Variants in SNTG1 observed in about 807,000 individuals in gnomAD.
SNTG1 encodes gamma-1-syntrophin.
SNTG1 carries 39 observed loss-of-function variants against 74.7 expected under a neutral mutation model. The ratio of observed to expected loss-of-function variants is 0.52; its 90% CI spans 0.40 to 0.68. The LOEUF (loss-of-function observed/expected upper bound fraction) is 0.68. SNTG1 is among the 30% of genes least tolerant of loss of function. The probability of loss-of-function intolerance (pLI) is 0.00; values close to 1 mark genes in which losing one functional copy is unlikely to be tolerated. For missense variants in SNTG1, 685 were observed against 609.5 expected, an observed-to-expected ratio of 1.12 and a Z score of -1.30; for synonymous variants, 254 against 217.1, an observed-to-expected ratio of 1.17 and a Z score of -1.49.
At chr8:50,084,972 C>G (rs1822746010) in intron 1 of SNTG1, among the ~76,000 whole-genome samples, 2 of 144,438 alleles carry the variant, frequency 1.4e-5, no homozygotes, top group South Asian at 4.5e-4. Flanking sequence ...CTATGGTATT[C>G]TGTTATAGCA....
intron 15 of SNTG1, among the ~76,000 whole-genome samples, chr8:50,695,990 G>A (rs1035987515): frequency 7.2e-5 from 11 of 151,894 alleles, no homozygotes; most frequent in Non-Finnish European, 1.6e-4. Context: ...CCCAGTAGTG[G>A]AATTGCTAGA....
intron 15 of SNTG1, among the ~76,000 whole-genome samples, chr8:50,702,359 G>A (rs2095429125): frequency 6.6e-6 from 1 of 152,094 alleles, no homozygotes; most frequent in Non-Finnish European, 1.5e-5. Context: ...AATAAGCACA[G>A]CATTTATCAT....
In SNTG1 at chr8:49,932,555, AT is replaced by A. The variant is rs1284098250; in HGVS notation, c.-103+20325del. On this transcript the variant is annotated intron_variant, in intron 1 of 18. Transcript: ENST00000642720. ...TAGTCATTATGTCTTTAAAAAAAAA[AT>A]AGTCAGAACGTATTTAATGACAATT... Among the ~76,000 whole-genome samples, 12 of 152,182 alleles carry A rather than the reference AT, an allele frequency of 7.9e-5. No homozygotes were observed. The East Asian group carries it at 1.9e-3, about 24-fold the overall frequency.
At chr8:50,552,389 C>T (rs2094432409) in intron 11 of SNTG1, among the ~76,000 whole-genome samples, 1 of 152,156 alleles carries the variant, frequency 6.6e-6, no homozygotes, top group Non-Finnish European at 1.5e-5. Flanking sequence ...CAATAAAATA[C>T]TGTCAGAATG....
intron 1 of SNTG1, among the ~76,000 whole-genome samples, chr8:50,091,658 T>C (rs1563580028): frequency 2.0e-5 from 3 of 152,180 alleles, no homozygotes; most frequent in African/African-American, 4.8e-5. Flanking sequence ...TGTGTGTGTG[T>C]GTATGTATCA....
intron 2 of SNTG1, among the ~76,000 whole-genome samples, chr8:50,293,208 C>T (rs1407890171): frequency 6.6e-6 from 1 of 152,056 alleles, no homozygotes; most frequent in Non-Finnish European, 1.5e-5. Context: ...AAATTTGTGT[C>T]CCTGTGATTC....
At chr8:50,128,900 C>G (rs1375983044) in intron 1 of SNTG1, among the ~76,000 whole-genome samples, 1 of 152,024 alleles carries the variant, frequency 6.6e-6, no homozygotes, top group Non-Finnish European at 1.5e-5. Context: ...ATTTAAGTGT[C>G]ATTTTAGTGA....
At chr8:50,530,014 C>T (rs1278611656) in intron 9 of SNTG1, among the ~76,000 whole-genome samples, 163 bp from the exon 10 acceptor site, 1 of 152,036 alleles carries the variant, frequency 6.6e-6, no homozygotes, top group African/African-American at 2.4e-5. Context: ...AGTCACTTGG[C>T]TTACTTGCAA....
chr8:50,432,159 T>C (rs1217136177), intron 4 of SNTG1, among the ~76,000 whole-genome samples: 1 of 152,224 alleles, frequency 6.6e-6, no homozygotes, highest in African/African-American at 2.4e-5. Context: ...TTTTAATATT[T>C]AAGCCTATCT....
chr8:50,351,856 C>T (rs934448351), intron 2 of SNTG1, among the ~76,000 whole-genome samples: 1 of 151,996 alleles, frequency 6.6e-6, no homozygotes. Flanking sequence ...TCTTTGGTAA[C>T]TGGGAAATAA....
chr8:50,622,917 T>C (rs1247644642), intron 13 of SNTG1, among the ~76,000 whole-genome samples: 1 of 152,172 alleles, frequency 6.6e-6, no homozygotes, highest in African/African-American at 2.4e-5. Context: ...GAATTACCGA[T>C]GTTTTCGGTG....
chr8:50,007,288 G>A (rs1446211288), intron 1 of SNTG1, among the ~76,000 whole-genome samples: 1 of 152,106 alleles, frequency 6.6e-6, no homozygotes, highest in Admixed American at 6.5e-5. Flanking sequence ...TGCTCCTCCA[G>A]TTCTGGCCCC....
At chr8:50,566,174 A>G (rs2094515936) in intron 12 of SNTG1, among the ~76,000 whole-genome samples, 1 of 151,946 alleles carries the variant, frequency 6.6e-6, no homozygotes, top group Non-Finnish European at 1.5e-5. Context: ...CTTGCTTAAT[A>G]AAAGAAAAGG....
intron 1 of SNTG1, among the ~76,000 whole-genome samples, chr8:50,083,196 T>C (rs910159105): frequency 1.9e-4 from 29 of 152,200 alleles, no homozygotes; most frequent in Non-Finnish European, 1.5e-5. Flanking sequence ...AATTAATGTT[T>C]CTTAGTTGGT....
chr8:50,192,785 C>A lies in SNTG1; in HGVS notation c.-28+20150C>A, dbSNP rs1367642087. Among the ~76,000 whole-genome samples the A allele has an allele frequency of 5.9e-5, 9 of 151,626 alleles. 1 individual carries two copies. Among genetic ancestry groups the A allele is most frequent in the African/African-American group, 2.2e-4 (9 of 41,268 alleles). On this transcript the variant is annotated intron_variant, in intron 2 of 18. Transcript: ENST00000642720. ...TTCTACAATTTTTATAGTTTTAGGT[C>A]TTAGGTTTAAGTCCTTAATCCATCT...
chr8:50,435,870 A>G (rs569006595), intron 4 of SNTG1, among the ~76,000 whole-genome samples: 2 of 152,214 alleles, frequency 1.3e-5, no homozygotes, highest in East Asian at 3.9e-4. Flanking sequence ...TTTGTATTTG[A>G]TTTGGAACAT....
intron 2 of SNTG1, among the ~76,000 whole-genome samples, chr8:50,300,163 A>T (rs529482127): frequency 9.2e-5 from 14 of 152,242 alleles, no homozygotes; most frequent in African/African-American, 3.4e-4. Context: ...CTTTTGTCAA[A>T]TTTATTGTAA....
At chr8:50,707,973 CG>C in intron 16 of SNTG1, 1 of 373,556 alleles carries the variant, frequency 2.7e-6, no homozygotes, top group Non-Finnish European at 4.7e-6. Flanking sequence ...GAGGCCGAGG[CG>C]GGTGGATCAC....
intron 4 of SNTG1, among the ~76,000 whole-genome samples, chr8:50,430,188 G>A (rs778463553): frequency 1.6e-4 from 25 of 152,088 alleles, no homozygotes; most frequent in Admixed American, 3.9e-4. Context: ...CTGTGACTAT[G>A]CTAAAAGTCA....
Sources: allele counts gnomAD v4.1 joint callset (sites outside exome capture counted in the v4.1 genomes callset), GRCh38; gene constraint gnomAD v4.1.1; transcripts MANE v1.5; gene names NCBI Gene and HGNC (gene_info 2026-07-23, HGNC 2026-07-21).